MCCC1: variants seen among roughly 807,000 people sequenced by gnomAD.
The protein encoded by MCCC1 is methylcrotonoyl-CoA carboxylase subunit alpha, mitochondrial.
MCCC1 carries 64 observed loss-of-function variants against 83.8 expected under a neutral mutation model. The observed-to-expected ratio is 0.76, with a 90% CI of 0.62 to 0.94. MCCC1 has a LOEUF of 0.94. MCCC1 is among the 40% of genes least tolerant of loss of function. The pLI is 0.00. For synonymous variants in MCCC1, 322 were observed against 315.4 expected, an observed-to-expected ratio of 1.02 and a Z score of -0.22; for missense variants, 807 against 904.7, an observed-to-expected ratio of 0.89 and a Z score of 1.39.
upstream of MCCC1, among the ~76,000 whole-genome samples, chr3:183,102,564 C>A (rs1425484639): frequency 2.0e-5 from 3 of 151,892 alleles, no homozygotes; most frequent in Non-Finnish European, 2.9e-5. Flanking sequence ...ATCTGACCTT[C>A]ATTCTAGATT....
chr3:183,047,146 T>C (rs1021511037), intron 9 of MCCC1, among the ~76,000 whole-genome samples: 1 of 152,296 alleles, frequency 6.6e-6, no homozygotes, highest in Non-Finnish European at 1.5e-5. Flanking sequence ...AGAAAAACTA[T>C]TTTATCAGAG....
chr3:183,061,398 G>A (rs528281686), intron 7 of MCCC1, among the ~76,000 whole-genome samples: 38 of 152,244 alleles, frequency 2.5e-4, no homozygotes, highest in African/African-American at 8.9e-4. Context: ...GAATGCTCTG[G>A]ATCTCTTTCA....
chr3:183,017,359 T>C (rs999419960), intron 17 of MCCC1, 22 bp from the exon 18 acceptor site: 6 of 1,612,394 alleles, frequency 3.7e-6, no homozygotes, highest in Non-Finnish European at 5.1e-6. Context: ...GTGTGACAGG[T>C]TAATATTTGA....
At chr3:183,062,385 T>C (rs1333174936) in intron 7 of MCCC1, among the ~76,000 whole-genome samples, 2 of 147,854 alleles carry the variant, frequency 1.4e-5, no homozygotes, top group Non-Finnish European at 3.0e-5. Context: ...GATGGAGTCT[T>C]GCTCTGTTGC....
At chr3:183,085,694 C>G (rs1290669544) in intron 4 of MCCC1, among the ~76,000 whole-genome samples, 2 of 151,192 alleles carry the variant, frequency 1.3e-5, no homozygotes, top group Non-Finnish European at 2.9e-5. Flanking sequence ...CTCTCTGCTC[C>G]ATCGTCTCCT....
Position 183,015,483 on chromosome 3 carries a change from T to C in MCCC1, c.2133A>G (p.Leu711=). 6.2e-7 allele frequency: 1 copy of C among 1,614,128 alleles called. No individual in the cohort carries two copies. Among genetic ancestry groups the C allele is most frequent in the Non-Finnish European group, 8.5e-7 (1 of 1,179,978 alleles). Residue 711 remains leucine (L), a synonymous_variant, in exon 19 of 19, where the codon TTA becomes TTG. Coordinates refer to ENST00000265594, the MANE Select transcript of MCCC1 (RefSeq NM_020166.5). ...CTGATTCTTCCTCCTCAAACTCGAC[T>C]AAAGGAGTGTGTCTGTTGGCCTGAG... The part of the protein sequence containing the change: ...EGAQANRHTP[L]VEFEEEESDK...
chr3:183,015,922 T>G (rs972822328), intron 18 of MCCC1, among the ~76,000 whole-genome samples: 47 of 150,770 alleles, frequency 3.1e-4, no homozygotes, highest in Non-Finnish European at 5.5e-4. Flanking sequence ...TTTTTTTTTT[T>G]TTGTTTTTTG....
At chr3:183,080,964 G>C (rs1052277084) in intron 4 of MCCC1, among the ~76,000 whole-genome samples, 1 of 152,150 alleles carries the variant, frequency 6.6e-6, no homozygotes, top group African/African-American at 2.4e-5. Context: ...ACCTCCTACC[G>C]GGTTCCTCCC....
At chr3:183,037,138 GT>G (rs1470713436) in intron 13 of MCCC1, 79 bp downstream of exon 13, 6 of 1,324,988 alleles carry the variant, frequency 4.5e-6, no homozygotes, top group Non-Finnish European at 6.5e-6. Flanking sequence ...AGAGGTCAGT[GT>G]GCCATACAGA....
chr3:183,097,219 C>G (rs929527392), intron 1 of MCCC1, among the ~76,000 whole-genome samples: 2 of 152,078 alleles, frequency 1.3e-5, no homozygotes, highest in African/African-American at 4.8e-5. Flanking sequence ...CGCAGTCCGG[C>G]CTGGGCGACA....
chr3:183,102,014 C>T (rs768047206), upstream of MCCC1, among the ~76,000 whole-genome samples: 16 of 152,240 alleles, frequency 1.1e-4, 1 homozygote, highest in Admixed American at 9.2e-4. Context: ...AGACTCCAGA[C>T]GCGCCGCCTT....
chr3:183,113,613 G>A (rs1719537624), intron 1 of MCCC1, among the ~76,000 whole-genome samples: 1 of 151,620 alleles, frequency 6.6e-6, no homozygotes, highest in African/African-American at 2.4e-5. Flanking sequence ...TGAGGTGGGA[G>A]GTTCCCTTAA....
chr3:183,106,178 C>T (rs1003416236), intron 1 of MCCC1, among the ~76,000 whole-genome samples: 14 of 151,506 alleles, frequency 9.2e-5, no homozygotes, highest in African/African-American at 3.1e-4. Context: ...TGTCCAGCAA[C>T]TGCCTATGGA....
chr3:183,068,934 C>T (rs1007028866), intron 7 of MCCC1, among the ~76,000 whole-genome samples: 6 of 152,118 alleles, frequency 3.9e-5, no homozygotes, highest in Non-Finnish European at 7.4e-5. Context: ...TGTAAGGACA[C>T]TCTATGATGT....
upstream of MCCC1, among the ~76,000 whole-genome samples, chr3:183,102,310 C>T (rs1719325047): frequency 1.3e-5 from 2 of 152,112 alleles, no homozygotes; most frequent in African/African-American, 2.4e-5. Flanking sequence ...CTGCAATGAG[C>T]TCTTATCATG....
intron 16 of MCCC1, 111 bp from the exon 17 acceptor site, chr3:183,020,348 A>T (rs1337074530): frequency 1.1e-6 from 1 of 916,986 alleles, no homozygotes; most frequent in African/African-American, 1.6e-5. Context: ...ATTAGTCATC[A>T]TGGCCAGGCC....
intron 10 of MCCC1, among the ~76,000 whole-genome samples, chr3:183,045,052 G>A (rs529601635): frequency 2.0e-5 from 3 of 150,978 alleles, no homozygotes; most frequent in African/African-American, 7.3e-5. Flanking sequence ...TACCATTTAG[G>A]TAGTTTTTCA....
At chr3:183,020,791 G>A (rs1712094585) in intron 16 of MCCC1, among the ~76,000 whole-genome samples, 2 of 152,182 alleles carry the variant, frequency 1.3e-5, no homozygotes, top group Admixed American at 6.5e-5. Flanking sequence ...TGGGCGCCGT[G>A]GCTCACGCCT....
chr3:183,045,589 C>T (rs1265510107), intron 9 of MCCC1, 49 bp from the exon 10 acceptor site: 5 of 1,605,440 alleles, frequency 3.1e-6, no homozygotes, highest in Non-Finnish European at 3.4e-6. Context: ...TAATCAGTAG[C>T]AAACCAAAAT....
Sources: gnomAD v4.1 joint callset for allele counts (sites outside exome capture counted in the v4.1 genomes callset) on GRCh38, gnomAD v4.1.1 for gene constraint, MANE v1.5 for transcripts, NCBI Gene and HGNC (gene_info 2026-07-23, HGNC 2026-07-21) for gene names.